Variants in RAB3C observed in about 807,000 individuals in gnomAD.
RAB3C encodes ras-related protein Rab-3C.
Under a neutral mutation model 26.4 loss-of-function variants are expected in RAB3C, and 17 were observed. The observed-to-expected ratio is 0.64, with a 90% CI of 0.44 to 0.97. The LOEUF (loss-of-function observed/expected upper bound fraction) is 0.97. Among genes scored for constraint, RAB3C ranks in the 50% least tolerant of loss-of-function variants. The probability of loss-of-function intolerance (pLI) is 0.00; values close to 1 mark genes in which losing one functional copy is unlikely to be tolerated. For missense variants in RAB3C, 242 were observed against 281.9 expected, an observed-to-expected ratio of 0.86 and a Z score of 1.01; for synonymous variants, 91 against 95.9, an observed-to-expected ratio of 0.95 and a Z score of 0.30.
intron 3 of RAB3C, among the ~76,000 whole-genome samples, chr5:58,761,811 T>G (rs536834927): frequency 7.2e-5 from 11 of 152,246 alleles, no homozygotes; most frequent in Non-Finnish European, 1.6e-4. Context: ...GTGTGACTAT[T>G]CATAAAAGAA....
In RAB3C at chr5:58,784,279, T is replaced by G. The variant is rs139152263; in HGVS notation, c.372-40759T>G. ...AATACATACCTGAGACTGGGTAATT[T>G]ATAAAGGAAAGAGGTTTAATTGACT... On this transcript the variant is annotated intron_variant, in intron 3 of 4. Coordinates refer to ENST00000282878, the MANE Select transcript of RAB3C (RefSeq NM_138453.4). Among the ~76,000 whole-genome samples, 887 of 152,252 alleles carry G rather than the reference T, an allele frequency of 5.8e-3. 7 individuals carry two copies. Among genetic ancestry groups the G allele is most frequent in the African/African-American group, 0.02 (835 of 41,544 alleles).
At chr5:58,675,624 T>TTTTTTTTTTTTTTTTTTTTTTTGGC (rs1347740171) in intron 2 of RAB3C, among the ~76,000 whole-genome samples, 1 of 150,636 alleles carries the variant, frequency 6.6e-6, no homozygotes, top group African/African-American at 2.5e-5. Flanking sequence ...TCTTTTTTTT[T>TTTTTTTTTTTTTTTTTTTTTTTGGC]TTTTTTTTTT....
chr5:58,688,697 T>C (rs1040675389), intron 2 of RAB3C, among the ~76,000 whole-genome samples: 3 of 152,156 alleles, frequency 2.0e-5, no homozygotes, highest in African/African-American at 4.8e-5. Flanking sequence ...GTGTGACTTA[T>C]TGATATTTCT....
intron 3 of RAB3C, among the ~76,000 whole-genome samples, chr5:58,737,722 CA>C (rs147189962): frequency 6.6e-6 from 1 of 151,376 alleles, no homozygotes; most frequent in Non-Finnish European, 1.5e-5. Context: ...ACAACAACAA[CA>C]AAAAAATGAT....
intron 2 of RAB3C, among the ~76,000 whole-genome samples, chr5:58,723,966 T>A (rs991418552): frequency 6.6e-6 from 1 of 151,826 alleles, no homozygotes; most frequent in African/African-American, 2.4e-5. Context: ...ATGCCCCAGG[T>A]CCTGAGGAGG....
intron 2 of RAB3C, among the ~76,000 whole-genome samples, chr5:58,692,140 A>G (rs1438187186): frequency 6.6e-6 from 1 of 152,218 alleles, no homozygotes. Flanking sequence ...TAGTCACAGC[A>G]ATGAAAGAAT....
At chr5:58,716,214 A>C (rs139710492) in intron 2 of RAB3C, among the ~76,000 whole-genome samples, 221 of 152,154 alleles carry the variant, frequency 1.5e-3, no homozygotes, top group African/African-American at 5.1e-3. Context: ...TTATTTTAGC[A>C]TGAACAATTT....
chr5:58,726,099 C>T lies in RAB3C; in HGVS notation c.350C>T (p.Ser117Phe). ...ILMYDITNEE[S>F]FNAVQDWSTQ... ...ATGTATGACATTACAAATGAAGAAT[C>T]CTTCAATGCAGTACAAGATTGGTAA... Residue 117 changes from serine to phenylalanine, a missense_variant, in exon 3 of 5, where the codon TCC becomes TTC. Physicochemically the swap from Ser to Phe is radical, Grantham distance 155. Transcript: ENST00000282878. 1 of 1,580,502 alleles carries T rather than the reference C, an allele frequency of 6.3e-7. No individual in the cohort carries two copies. Among genetic ancestry groups the T allele is most frequent in the Non-Finnish European group, 8.7e-7 (1 of 1,152,938 alleles).
At chr5:58,635,246 G>T (rs1271139213) in intron 2 of RAB3C, among the ~76,000 whole-genome samples, 1 of 152,188 alleles carries the variant, frequency 6.6e-6, no homozygotes, top group Non-Finnish European at 1.5e-5. Context: ...TGCTAAAATG[G>T]CAAAGGAAAA....
intron 2 of RAB3C, among the ~76,000 whole-genome samples, chr5:58,664,057 AC>A (rs1245669048): frequency 1.3e-5 from 2 of 152,112 alleles, no homozygotes; most frequent in Non-Finnish European, 2.9e-5. Flanking sequence ...TTTTCCTAAA[AC>A]CCCATGAAGT....
At chr5:58,734,560 T>G (rs1741094736) in intron 3 of RAB3C, among the ~76,000 whole-genome samples, 1 of 152,172 alleles carries the variant, frequency 6.6e-6, no homozygotes, top group Admixed American at 6.6e-5. Flanking sequence ...TTTGTGCAGA[T>G]AACCCAACTT....
At chr5:58,811,124 A>G (rs1051733423) in intron 3 of RAB3C, among the ~76,000 whole-genome samples, 1 of 152,238 alleles carries the variant, frequency 6.6e-6, no homozygotes, top group African/African-American at 2.4e-5. Flanking sequence ...TATGGTTTGT[A>G]TGCACAGCCT....
At chr5:58,831,118 T>A (rs1554021329) in intron 4 of RAB3C, among the ~76,000 whole-genome samples, 1 of 152,070 alleles carries the variant, frequency 6.6e-6, no homozygotes. Context: ...GTTCAAGCAA[T>A]CCTCCCACTC....
intron 2 of RAB3C, among the ~76,000 whole-genome samples, chr5:58,720,624 T>C (rs777829490): frequency 6.6e-6 from 1 of 151,896 alleles, no homozygotes; most frequent in Non-Finnish European, 1.5e-5. Flanking sequence ...GACTTTCCCC[T>C]TTGGGTTATC....
intron 3 of RAB3C, among the ~76,000 whole-genome samples, chr5:58,756,543 C>A (rs1299861996): frequency 6.7e-6 from 1 of 150,072 alleles, no homozygotes; most frequent in Admixed American, 6.7e-5. Context: ...CCCCACCCCC[C>A]AACAGGCACT....
chr5:58,813,623 TATATATATATACACACAC>T (rs1743143510), intron 3 of RAB3C, among the ~76,000 whole-genome samples: 1 of 26,104 alleles, frequency 3.8e-5, no homozygotes, highest in Non-Finnish European at 1.1e-4. Context: ...TATATATATA[TATATATATATACACACAC>T]ACACACACAT....
In RAB3C at chr5:58,822,852, T is replaced by C. The variant is rs1469137485; in HGVS notation, c.372-2186T>C. 5 of 637,826 alleles carry C rather than the reference T, an allele frequency of 7.8e-6. No individual in the cohort carries two copies. The East Asian group carries it at 1.8e-4, about 22-fold the overall frequency. 39.5% of individuals were successfully genotyped at this position (637,826 alleles called of 1,614,324 possible). On this transcript the variant is annotated intron_variant, in intron 3 of 4. Coordinates refer to ENST00000282878, the MANE Select transcript of RAB3C (RefSeq NM_138453.4). ...CACGGGCTTCTCGGTAGGTTTGGCA[T>C]GGACAGGATCTATGAAGGCCAAGTG... is the stretch of plus-strand genomic sequence containing the variant.
chr5:58,591,452 G>T (rs1228935821), intron 1 of RAB3C, among the ~76,000 whole-genome samples: 1 of 151,734 alleles, frequency 6.6e-6, no homozygotes, highest in African/African-American at 2.4e-5. Context: ...AAATGTGTCT[G>T]CCTGAGTAAT....
intron 2 of RAB3C, among the ~76,000 whole-genome samples, chr5:58,663,805 A>C (rs1490750209): frequency 6.6e-6 from 1 of 152,208 alleles, no homozygotes; most frequent in Non-Finnish European, 1.5e-5. Context: ...TGAAAATGAT[A>C]AGAACTGGCA....
Sources: allele counts gnomAD v4.1 joint callset (sites outside exome capture counted in the v4.1 genomes callset), GRCh38; gene constraint gnomAD v4.1.1; transcripts MANE v1.5; gene names NCBI Gene and HGNC (gene_info 2026-07-23, HGNC 2026-07-21).